The following KAZN variants were observed in gnomAD, a reference collection of about 807,000 sequenced individuals.
KAZN encodes the protein kazrin, periplakin interacting protein, also known as kazrin.
In KAZN, 40 loss-of-function variants were observed where a neutral mutation model predicts 87.4. That is an observed-to-expected ratio of 0.46 (90% CI 0.36 to 0.60). The LOEUF is 0.60. Ranked by LOEUF, KAZN falls within the 20% of genes least tolerant of loss-of-function variation. KAZN has a pLI of 0.00. For missense variants in KAZN, 898 were observed against 1,073.9 expected (o/e 0.84, Z 2.29); for synonymous variants, 466 against 458.3 (o/e 1.02, Z -0.22).
chr1:14,442,536 C>G (rs1358064919), intron 2 of KAZN, among the ~76,000 whole-genome samples: 1 of 152,128 alleles, frequency 6.6e-6, no homozygotes, highest in East Asian at 1.9e-4. Context: ...GCTTGGGTGC[C>G]CAGAAGTAGC....
intron 1 of KAZN, among the ~76,000 whole-genome samples, chr1:14,764,089 C>G (rs1213056208): frequency 6.6e-6 from 1 of 152,096 alleles, no homozygotes; most frequent in Non-Finnish European, 1.5e-5. Flanking sequence ...TACCTTCTTG[C>G]GAGTCAAATA....
chr1:14,256,312 A>G (rs1169497226), intron 2 of KAZN, among the ~76,000 whole-genome samples: 2 of 152,110 alleles, frequency 1.3e-5, no homozygotes, highest in African/African-American at 4.8e-5. Flanking sequence ...TTTAATATGC[A>G]CACTGTTAGC....
At chr1:15,042,205 G>A (rs188300758) in intron 3 of KAZN, among the ~76,000 whole-genome samples, 2 of 152,262 alleles carry the variant, frequency 1.3e-5, no homozygotes, top group African/African-American at 4.8e-5. Context: ...TCCTAATTCA[G>A]GGACATTTTA....
intron 8 of KAZN, among the ~76,000 whole-genome samples, chr1:15,075,661 C>A (rs926017284): frequency 6.6e-6 from 1 of 152,166 alleles, no homozygotes; most frequent in South Asian, 2.1e-4. Flanking sequence ...AGGTGACAGA[C>A]ACCAGGTCAG....
intron 1 of KAZN, among the ~76,000 whole-genome samples, chr1:14,826,955 C>G (rs182550162): frequency 3.3e-4 from 50 of 152,296 alleles, no homozygotes; most frequent in African/African-American, 1.2e-3. Flanking sequence ...TAGCCAAGCT[C>G]TCCGAGTCCC....
chr1:14,178,779 T>G (rs1163316455), intron 1 of KAZN, among the ~76,000 whole-genome samples: 1 of 152,198 alleles, frequency 6.6e-6, no homozygotes, highest in Non-Finnish European at 1.5e-5. Context: ...CATTTTGGGG[T>G]ACTATATTTT....
chr1:14,904,463 G>C (rs1282849732), intron 1 of KAZN, among the ~76,000 whole-genome samples: 1 of 152,240 alleles, frequency 6.6e-6, no homozygotes, highest in Non-Finnish European at 1.5e-5. Context: ...TTGCTACCCA[G>C]TTCCAAACAA....
chr1:15,090,068 G>A (rs373587334), intron 8 of KAZN, among the ~76,000 whole-genome samples: 45 of 152,298 alleles, frequency 3.0e-4, no homozygotes, highest in East Asian at 1.9e-3. Context: ...CACCCCCATA[G>A]CTTCGCATTC....
chr1:14,353,422 A>G (rs2100949597), intron 2 of KAZN, among the ~76,000 whole-genome samples: 1 of 152,026 alleles, frequency 6.6e-6, no homozygotes, highest in South Asian at 2.1e-4. Context: ...ATGGGGTTTC[A>G]CTGTGTTAGG....
chr1:14,888,142 G>A (rs750097051), intron 1 of KAZN, among the ~76,000 whole-genome samples: 1 of 152,154 alleles, frequency 6.6e-6, no homozygotes, highest in African/African-American at 2.4e-5. Flanking sequence ...CCTCCAGCCC[G>A]GGCAGCTCTA....
intron 1 of KAZN, among the ~76,000 whole-genome samples, chr1:14,132,756 GC>G (rs1247934537): frequency 6.6e-6 from 1 of 152,104 alleles, no homozygotes; most frequent in Non-Finnish European, 1.5e-5. Context: ...ATACATGACA[GC>G]CCCTCACATA....
intron 2 of KAZN, among the ~76,000 whole-genome samples, chr1:14,535,540 C>T (rs536777312): frequency 2.0e-5 from 3 of 152,250 alleles, no homozygotes; most frequent in Admixed American, 1.3e-4. Context: ...GTGGCGCATG[C>T]CTGTAATCCC....
intron 1 of KAZN, among the ~76,000 whole-genome samples, chr1:14,837,256 T>C (rs1405735493): frequency 6.6e-6 from 1 of 152,170 alleles, no homozygotes; most frequent in African/African-American, 2.4e-5. Context: ...TGGAGTGCAA[T>C]AGTGCGGTCT....
chr1:14,574,368 T>C (rs1675050744), intron 2 of KAZN, among the ~76,000 whole-genome samples: 1 of 152,170 alleles, frequency 6.6e-6, no homozygotes, highest in African/African-American at 2.4e-5. Flanking sequence ...TCATCTTGAA[T>C]TGTAGCTCCC....
intron 2 of KAZN, among the ~76,000 whole-genome samples, chr1:14,369,204 A>T (rs748593440): frequency 6.6e-6 from 1 of 152,168 alleles, no homozygotes; most frequent in Non-Finnish European, 1.5e-5. Flanking sequence ...CTCAGGAGAA[A>T]TGTTCTCGAT....
intron 1 of KAZN, among the ~76,000 whole-genome samples, chr1:14,738,829 A>T (rs1643996785): frequency 6.6e-6 from 1 of 152,152 alleles, no homozygotes; most frequent in Admixed American, 6.5e-5. Flanking sequence ...GAGGTTAAGC[A>T]ACTTGCTGAA....
chr1:15,110,117 G>T (rs1206128838), intron 13 of KAZN, among the ~76,000 whole-genome samples: 2 of 102,638 alleles, frequency 1.9e-5, no homozygotes, highest in African/African-American at 6.2e-5. Context: ...ATTTGTGTGT[G>T]TATTTGTGTA....
chr1:14,539,337 G>T (rs1352367188), intron 2 of KAZN, among the ~76,000 whole-genome samples: 6 of 152,202 alleles, frequency 3.9e-5, no homozygotes, highest in Non-Finnish European at 8.8e-5. Flanking sequence ...AAAATGTAAT[G>T]TTGTATCCTC....
chr1:14,579,348 G>C (rs1007019652), intron 2 of KAZN, among the ~76,000 whole-genome samples: 4 of 152,098 alleles, frequency 2.6e-5, no homozygotes, highest in African/African-American at 9.7e-5. Flanking sequence ...TGAGTAGTCT[G>C]GGCGTGGTGG....
Sources: allele counts gnomAD v4.1 joint callset (sites outside exome capture counted in the v4.1 genomes callset), GRCh38; gene constraint gnomAD v4.1.1; transcripts MANE v1.5; gene names NCBI Gene and HGNC (gene_info 2026-07-23, HGNC 2026-07-21).